The following ZNF28 variants were observed in gnomAD, a reference collection of about 807,000 sequenced individuals.
The protein encoded by ZNF28 is zinc finger protein 28, also known as zinc finger protein KOX24.
ZNF28 carries 5 observed loss-of-function variants against 7.2 expected under a neutral mutation model. The observed-to-expected ratio is 0.70, with a 90% confidence interval of 0.36 to 1.46. ZNF28 has a LOEUF of 1.46. Among genes scored for constraint, ZNF28 ranks in the 40% most tolerant of loss-of-function variants. The probability of loss-of-function intolerance (pLI) is 0.03; values close to 1 mark genes in which losing one functional copy is unlikely to be tolerated. For synonymous variants in ZNF28, 288 were observed against 292.4 expected, an observed-to-expected ratio of 0.99 and a Z score of 0.15; for missense variants, 879 against 866.6, an observed-to-expected ratio of 1.01 and a Z score of -0.18.
intron 2 of ZNF28, chr19:52,810,467 AG>A (rs1336536581): frequency 6.3e-7 from 1 of 1,592,586 alleles, no homozygotes; most frequent in Non-Finnish European, 8.6e-7. Flanking sequence ...AGAGTCAGTG[AG>A]GACTTCCTTG....
Position 52,815,409 on chromosome 19 carries a change from C to T in ZNF28, c.15+2535G>A, listed in dbSNP as rs1217135136. Among the ~76,000 whole-genome samples, 5 of 145,040 alleles carry T rather than the reference C, an allele frequency of 3.4e-5. 1 individual carries two copies. Among genetic ancestry groups the T allele is most frequent in the Non-Finnish European group, 7.4e-5 (5 of 67,458 alleles). ...GCAAGCACCTGTAGTCCCAGCTACT[C>T]GAGAGTCTGAAGCAGGAGACACACT... On this transcript the variant is annotated intron_variant, in intron 2 of 3. Transcript: ENST00000457749.
rs2062814633 is a variant in ZNF28, at chr19:52,797,758, T to C, written c.*1930A>G. The C allele has an allele frequency of 6.6e-6, 1 of 152,280 alleles. No homozygotes were observed. The highest frequency in any genetic ancestry group is 2.4e-5 in the African/African-American group (1 of 41,426). 9.4% of individuals were successfully genotyped at this position (152,280 alleles called of 1,614,324 possible). ...GATTGGAAAAATTAGTATTGCTCAA[T>C]GATTATATAACCGAATGTGATTTAG... On this transcript the variant is annotated 3_prime_UTR_variant, in exon 4 of 4. Coordinates refer to ENST00000457749, the MANE Select transcript of ZNF28 (RefSeq NM_006969.5).
rs529912921 is a variant in ZNF28, at chr19:52,818,147, T to C, written c.-73-116A>G. The C allele has an allele frequency of 1.9e-4, 215 of 1,114,480 alleles. No individual in the cohort carries two copies. The African/African-American group carries it at 2.7e-3, about 14-fold the overall frequency. The allele number at this position is 1,114,480 out of a possible 1,614,324, so 69.0% of individuals were successfully genotyped here. A position where few individuals can be genotyped will look rare whatever the true frequency, so the allele number is the denominator to read the frequency against. ...AGGAAATATGGTCCCCTATGCTGCC[T>C]ACCGCACCACGAACAAAAAATTCCT... On this transcript the variant is annotated intron_variant, in intron 1 of 3. Coordinates refer to ENST00000457749, the MANE Select transcript of ZNF28 (RefSeq NM_006969.5).
chr19:52,800,022 T>C lies in ZNF28; in HGVS notation c.1823A>G (p.Lys608Arg), dbSNP rs752961580. Reference sequence around the variant, plus strand: ...GAAGGTCTTGCCACACTCATTACACTTGTAAGGTTTCTCTCCAGTATGAAC... The same window carrying C: ...GAAGGTCTTGCCACACTCATTACACCTGTAAGGTTTCTCTCCAGTATGAAC... ...QRVHTGEKPY[K>R]CNECGKTFRQ... Residue 608 changes from lysine to arginine, a missense_variant, in exon 4 of 4, where the codon AAG becomes AGG. This residue lies in a region of ZNF28 where 864 missense variants were observed against 830.2 expected (regional missense o/e 1.04). Transcript: ENST00000457749. The C allele has an allele frequency of 1.2e-6, 2 of 1,614,066 alleles. No homozygotes were observed. The highest frequency in any genetic ancestry group is 1.7e-6 in the Non-Finnish European group (2 of 1,180,016).
chr19:52,812,448 G>T (rs2063063589), intron 2 of ZNF28, among the ~76,000 whole-genome samples: 1 of 124,060 alleles, frequency 8.1e-6, no homozygotes, highest in Non-Finnish European at 1.7e-5. Flanking sequence ...TTGGGATCCT[G>T]TTGATCTGTG....
intron 2 of ZNF28, chr19:52,809,804 G>A (rs2062990186): frequency 3.8e-6 from 2 of 522,666 alleles, no homozygotes; most frequent in Non-Finnish European, 6.7e-6. Flanking sequence ...AAAAAAAGGA[G>A]CCCAGTCTGA....
chr19:52,801,377 A>G lies in ZNF28; in HGVS notation c.468T>C (p.Pro156=), dbSNP rs768436949. 3 of 1,614,210 alleles carry G rather than the reference A, an allele frequency of 1.9e-6. No homozygotes were observed. Among genetic ancestry groups the G allele is most frequent in the South Asian group, 2.2e-5 (2 of 91,084 alleles). ...CAACTTGATTACCAATTTTCCCTTC[A>G]GGCTGAAATATGTGCAGTTCAGGCA... ...SHLPELHIFQ[P]EGKIGNQVEK... The change falls in exon 4 of 4, where the codon CCT becomes CCC. Residue 156 remains proline, a synonymous_variant. Coordinates refer to ENST00000457749, the MANE Select transcript of ZNF28 (RefSeq NM_006969.5).
chr19:52,810,739 A>G, intron 2 of ZNF28: 1 of 694,262 alleles, frequency 1.4e-6, no homozygotes, highest in Non-Finnish European at 2.6e-6. Context: ...GAGAGGAAAA[A>G]AAGAGGAAAG....
At chr19:52,816,387 G>A (rs529555352) in intron 2 of ZNF28, among the ~76,000 whole-genome samples, 7 of 146,152 alleles carry the variant, frequency 4.8e-5, no homozygotes, top group South Asian at 2.3e-4. Context: ...CAGGCAAGCC[G>A]GGCGCGGTGG....
chr19:52,798,263 G>T lies in ZNF28; in HGVS notation c.*1425C>A, dbSNP rs554337044. 1.1e-5 allele frequency: 2 copies of T among 184,570 alleles called. No homozygotes were observed. The highest frequency in any genetic ancestry group is 2.3e-5 in the Non-Finnish European group (2 of 88,886). 11.4% of individuals were successfully genotyped at this position (184,570 alleles called of 1,614,324 possible). A position where few individuals can be genotyped will look rare whatever the true frequency, so the allele number is the denominator to read the frequency against. On this transcript the variant is annotated 3_prime_UTR_variant, in exon 4 of 4. Transcript: ENST00000457749. ...GACCTACCAGTCTTGGCCTCTCAAA[G>T]TGCTGGCATTGCAGGCGTGAGCCAC...
intron 2 of ZNF28, among the ~76,000 whole-genome samples, chr19:52,815,002 T>A (rs1402591458): frequency 6.9e-6 from 1 of 145,942 alleles, no homozygotes; most frequent in Non-Finnish European, 1.5e-5. Flanking sequence ...TAGATGTTAA[T>A]AACAAAGTGG....
chr19:52,810,942 C>A (rs1218620599), intron 2 of ZNF28, among the ~76,000 whole-genome samples: 1 of 129,302 alleles, frequency 7.7e-6, no homozygotes, highest in African/African-American at 2.9e-5. Context: ...GATGCCGAGC[C>A]AAAGCTGGAC....
chr19:52,811,062 G>T (rs968083519), intron 2 of ZNF28, among the ~76,000 whole-genome samples: 5 of 142,230 alleles, frequency 3.5e-5, no homozygotes, highest in African/African-American at 1.3e-4. Context: ...ACTGGTTTTC[G>T]TTTTTTTTTT....
At position 52,799,114 on chromosome 19, in the gene ZNF28, C is replaced by T. The variant is rs2062829980; in HGVS notation, c.*574G>A. ...TCTTCACATTTGTAAGATTTCTCTG[C>T]AGTATGAAGACTATGATGACTTGCA... On this transcript the variant is annotated 3_prime_UTR_variant, in exon 4 of 4. Coordinates refer to ENST00000457749, the MANE Select transcript of ZNF28 (RefSeq NM_006969.5). 9.6e-6 allele frequency: 4 copies of T among 414,930 alleles called. No homozygotes were observed. Among genetic ancestry groups the T allele is most frequent in the Admixed American group, 3.7e-5 (1 of 26,908 alleles). 25.7% of individuals were successfully genotyped at this position (414,930 alleles called of 1,614,324 possible). A position where few individuals can be genotyped will look rare whatever the true frequency, so the allele number is the denominator to read the frequency against.
intron 1 of ZNF28, among the ~76,000 whole-genome samples, chr19:52,819,182 G>A (rs2063164204): frequency 7.3e-6 from 1 of 137,780 alleles, no homozygotes; most frequent in Admixed American, 7.5e-5. Context: ...CCCAGGAGGA[G>A]GCTGGACACT....
At chr19:52,811,007 AGCCTGCCGAGT>A (rs1361747785) in intron 2 of ZNF28, among the ~76,000 whole-genome samples, 6 of 138,452 alleles carry the variant, frequency 4.3e-5, no homozygotes, top group Middle Eastern at 3.5e-3. Context: ...CTCCTGCCTC[AGCCTGCCGAGT>A]GCCTGCGATT....
intron 2 of ZNF28, among the ~76,000 whole-genome samples, chr19:52,815,130 A>G (rs2147676314): frequency 6.9e-6 from 1 of 144,594 alleles, no homozygotes. Context: ...TTTTTAAAAT[A>G]TAAAAAGTAG....
intron 1 of ZNF28, among the ~76,000 whole-genome samples, chr19:52,819,954 G>A (rs1344156250): frequency 6.9e-6 from 1 of 144,688 alleles, no homozygotes; most frequent in African/African-American, 2.7e-5. Flanking sequence ...AGCTGAGGTG[G>A]TTCACACCTG....
At chr19:52,811,442 G>T (rs1257033306) in intron 2 of ZNF28, among the ~76,000 whole-genome samples, 12 of 147,350 alleles carry the variant, frequency 8.1e-5, no homozygotes, top group Non-Finnish European at 1.2e-4. Context: ...CATCTAGGAA[G>T]CGAGGAGCGC....
Sources: gnomAD v4.1 joint callset for allele counts (sites outside exome capture counted in the v4.1 genomes callset) on GRCh38, gnomAD v4.1.1 for gene constraint, gnomAD v4.1.1 regional missense constraint, MANE v1.5 for transcripts, NCBI Gene and HGNC (gene_info 2026-07-23, HGNC 2026-07-21) for gene names.